Variants in TANK observed in about 807,000 individuals in gnomAD.
TANK encodes the protein TRAF family member-associated NF-kappa-B activator.
TANK carries 15 observed loss-of-function variants against 43.6 expected under a neutral mutation model. That is an observed-to-expected ratio of 0.34 (90% CI 0.23 to 0.53). TANK has a LOEUF of 0.53. TANK is among the 20% of genes least tolerant of loss of function. The probability of loss-of-function intolerance (pLI) is 0.94; values close to 1 mark genes in which losing one functional copy is unlikely to be tolerated. For missense variants in TANK, 417 were observed against 498.6 expected (o/e 0.84, Z 1.56); for synonymous variants, 162 against 178.2 (o/e 0.91, Z 0.73).
chr2:161,213,802 G>T (rs1017617766), intron 4 of TANK, among the ~76,000 whole-genome samples: 4 of 151,590 alleles, frequency 2.6e-5, no homozygotes, highest in Admixed American at 2.6e-4. Flanking sequence ...ATTGTGGATA[G>T]TCTTTGATAC....
intron 6 of TANK, among the ~76,000 whole-genome samples, chr2:161,229,706 G>C (rs889908410): frequency 1.5e-4 from 23 of 152,308 alleles, no homozygotes; most frequent in African/African-American, 4.6e-4. Context: ...ACTGACATTT[G>C]TTAAGTGCCT....
chr2:161,175,305 C>T (rs919699093), intron 1 of TANK, among the ~76,000 whole-genome samples: 11 of 152,076 alleles, frequency 7.2e-5, no homozygotes, highest in Non-Finnish European at 1.3e-4. Context: ...AATCCTTGAA[C>T]CAAGAATTTT....
intron 1 of TANK, among the ~76,000 whole-genome samples, chr2:161,176,083 C>T (rs1177813932): frequency 1.3e-5 from 2 of 152,080 alleles, no homozygotes; most frequent in African/African-American, 2.4e-5. Flanking sequence ...TGAGCTTAAC[C>T]ATGAGATTTA....
chr2:161,200,469 C>T, intron 2 of TANK: 1 of 952,560 alleles, frequency 1.0e-6, no homozygotes, highest in Non-Finnish European at 1.2e-6. Flanking sequence ...CCAAGTTCTA[C>T]TGGTTATTTC....
chr2:161,186,101 C>T (rs1685651772), intron 2 of TANK, among the ~76,000 whole-genome samples: 1 of 152,040 alleles, frequency 6.6e-6, no homozygotes, highest in Admixed American at 6.6e-5. Context: ...GCCCAGTGAT[C>T]CTGGGAGATT....
chr2:161,146,626 C>T (rs13402291), intron 1 of TANK, among the ~76,000 whole-genome samples: 8,063 of 152,202 alleles, frequency 0.053, 678 homozygotes, highest in African/African-American at 0.18. Flanking sequence ...CCTTATTCAT[C>T]TGGTGTTTGC....
intron 2 of TANK, among the ~76,000 whole-genome samples, chr2:161,184,686 C>T (rs2105306847): frequency 6.6e-6 from 1 of 152,146 alleles, no homozygotes; most frequent in East Asian, 1.9e-4. Flanking sequence ...CAGATGGTGT[C>T]CTGGTATCTG....
At chr2:161,137,974 A>AAAT (rs1265255409) in intron 1 of TANK, 7 of 600,434 alleles carry the variant, frequency 1.2e-5, no homozygotes, top group Non-Finnish European at 1.5e-5. Flanking sequence ...CTCAAAAAAA[A>AAAT]AATAATAATA....
At chr2:161,212,298 T>C in intron 4 of TANK, 1 of 816,130 alleles carries the variant, frequency 1.2e-6, no homozygotes, top group African/African-American at 1.9e-5. Context: ...TGACCTGAAA[T>C]GATCCACCTG....
At chr2:161,147,670 G>C (rs1362244691) in intron 1 of TANK, among the ~76,000 whole-genome samples, 1 of 149,738 alleles carries the variant, frequency 6.7e-6, no homozygotes, top group East Asian at 1.9e-4. Context: ...ACAGAACCTG[G>C]ATACCTCCGT....
intron 2 of TANK, among the ~76,000 whole-genome samples, chr2:161,194,074 G>T (rs1333468670): frequency 6.6e-6 from 1 of 152,060 alleles, no homozygotes; most frequent in Non-Finnish European, 1.5e-5. Context: ...TTCCATGAGA[G>T]AAATTTCTAT....
chr2:161,147,194 G>C (rs1310413059), intron 1 of TANK, among the ~76,000 whole-genome samples: 4 of 152,180 alleles, frequency 2.6e-5, no homozygotes, highest in African/African-American at 7.2e-5. Flanking sequence ...CAGGGAAAAA[G>C]CGCAGCCTGG....
chr2:161,213,734 G>A (rs1686999388), intron 4 of TANK, among the ~76,000 whole-genome samples: 1 of 142,728 alleles, frequency 7.0e-6, no homozygotes, highest in South Asian at 2.2e-4. Context: ...TGAAAATTCA[G>A]CCTCAAATAG....
chr2:161,204,374 G>A (rs1409267996), intron 3 of TANK, among the ~76,000 whole-genome samples: 2 of 152,122 alleles, frequency 1.3e-5, no homozygotes, highest in Non-Finnish European at 2.9e-5. Context: ...CTGAAAATGT[G>A]AATATAAAAG....
intron 1 of TANK, among the ~76,000 whole-genome samples, chr2:161,179,260 GA>G (rs1186900456): frequency 1.3e-5 from 2 of 152,076 alleles, no homozygotes; most frequent in Non-Finnish European, 2.9e-5. Flanking sequence ...TTAATAAAAT[GA>G]AATCCCTTCC....
intron 1 of TANK, 74 bp downstream of exon 1, chr2:161,160,560 C>G: frequency 8.6e-7 from 1 of 1,164,260 alleles, no homozygotes. Flanking sequence ...TATGCGTGAG[C>G]GAGAGGGACG....
In TANK at chr2:161,204,836, C is replaced by A. The variant is rs78752047; in HGVS notation, c.327+43C>A. On this transcript the variant is annotated intron_variant, in intron 4 of 7. Coordinates refer to ENST00000392749, the MANE Select transcript of TANK (RefSeq NM_001199135.3). ...AGAAAGCAGCATTTAAATGCTGATGCGTGACATAGCTTCCTCATTTTATTT... is the reference window on the plus strand; with the variant it reads ...AGAAAGCAGCATTTAAATGCTGATGAGTGACATAGCTTCCTCATTTTATTT... 1.6e-3 allele frequency: 2,515 copies of A among 1,587,518 alleles called. 35 individuals carry two copies. The African/African-American group carries it at 0.031, about 20-fold the overall frequency.
rs1047235771 is a variant in TANK, at chr2:161,160,477, C to T, written c.-59C>T. 23 of 1,243,930 alleles carry T rather than the reference C, an allele frequency of 1.8e-5. No homozygotes were observed. The highest frequency in any genetic ancestry group is 2.2e-5 in the Non-Finnish European group (22 of 993,504). The allele number at this position is 1,243,930 out of a possible 1,614,324, so 77.1% of individuals were successfully genotyped here. On this transcript the variant is annotated 5_prime_UTR_variant, in exon 1 of 8. Coordinates refer to ENST00000392749, the MANE Select transcript of TANK (RefSeq NM_001199135.3). ...AGGGGAGAGGGAACGCAGCTGAAAG[C>T]GTGAACTGTGTGAGTAAGAAACTTT...
At chr2:161,179,489 T>A (rs1338033237) in intron 1 of TANK, 125 bp from the exon 2 acceptor site, 1 of 728,738 alleles carries the variant, frequency 1.4e-6, no homozygotes, top group African/African-American at 1.8e-5. Flanking sequence ...AGATGAGACT[T>A]ATGTTTATAG....
Sources: allele counts gnomAD v4.1 joint callset (sites outside exome capture counted in the v4.1 genomes callset), GRCh38; gene constraint gnomAD v4.1.1; transcripts MANE v1.5; gene names NCBI Gene and HGNC (gene_info 2026-07-23, HGNC 2026-07-21).